Variants in HCN1 observed in about 807,000 individuals in gnomAD.
The protein encoded by HCN1 is hyperpolarization activated cyclic nucleotide gated potassium channel 1.
In HCN1, 13 loss-of-function variants were observed where a neutral mutation model predicts 78.9. The ratio of observed to expected loss-of-function variants is 0.16; its 90% CI spans 0.11 to 0.26. HCN1 has a LOEUF of 0.26. Among genes scored for constraint, HCN1 ranks in the 10% least tolerant of loss-of-function variants. The pLI is 1.00. For missense variants in HCN1, 810 were observed against 1,154.3 expected, an observed-to-expected ratio of 0.70 and a Z score of 4.32; for synonymous variants, 552 against 455.5, an observed-to-expected ratio of 1.21 and a Z score of -2.70.
intron 2 of HCN1, among the ~76,000 whole-genome samples, chr5:45,537,724 T>G (rs1742999227): frequency 6.6e-6 from 1 of 151,518 alleles, no homozygotes. Context: ...CTAGGTCTTT[T>G]ATTCACTCTG....
chr5:45,357,214 A>C (rs977257442), intron 4 of HCN1, among the ~76,000 whole-genome samples: 1 of 152,020 alleles, frequency 6.6e-6, no homozygotes, highest in African/African-American at 2.4e-5. Context: ...CGACTAAGAA[A>C]GATTGTATGT....
intron 5 of HCN1, among the ~76,000 whole-genome samples, chr5:45,344,413 C>G (rs1238939764): frequency 6.6e-6 from 1 of 152,120 alleles, no homozygotes; most frequent in African/African-American, 2.4e-5. Context: ...AACAGTCCCC[C>G]AAAGTCTTAA....
At position 45,651,920 on chromosome 5, in the gene HCN1, C is replaced by A. The variant is rs932174917; in HGVS notation, c.426-6312G>T. Among the ~76,000 whole-genome samples the A allele has an allele frequency of 3.8e-4, 58 of 151,888 alleles. 1 individual carries two copies. The South Asian group carries it at 0.012, about 31-fold the overall frequency. Reference sequence around the variant, plus strand: ...ATGCTAACTTTCTTAAAATAGTAAACCCTTGCAAAATGATCCTATCTGAGG... The same window carrying A: ...ATGCTAACTTTCTTAAAATAGTAAAACCTTGCAAAATGATCCTATCTGAGG... On this transcript the variant is annotated intron_variant, in intron 1 of 7. Coordinates refer to ENST00000303230, the MANE Select transcript of HCN1 (RefSeq NM_021072.4).
intron 6 of HCN1, among the ~76,000 whole-genome samples, chr5:45,298,411 T>C (rs1341101592): frequency 6.6e-6 from 1 of 151,876 alleles, no homozygotes; most frequent in Non-Finnish European, 1.5e-5. Flanking sequence ...AAATGAATAA[T>C]TTTAGACTGA....
intron 3 of HCN1, among the ~76,000 whole-genome samples, chr5:45,420,561 C>T (rs753925375): frequency 5.9e-5 from 9 of 152,128 alleles, no homozygotes; most frequent in South Asian, 4.2e-4. Context: ...CAGGCTGGTG[C>T]GACAACATGT....
chr5:45,622,476 A>C (rs1182698755), intron 2 of HCN1, among the ~76,000 whole-genome samples: 1 of 152,126 alleles, frequency 6.6e-6, no homozygotes, highest in Admixed American at 6.5e-5. Context: ...ACATTTTCCT[A>C]ATTTTAAAAA....
chr5:45,683,494 T>C (rs996618084), intron 1 of HCN1, among the ~76,000 whole-genome samples: 3 of 152,170 alleles, frequency 2.0e-5, no homozygotes, highest in Non-Finnish European at 4.4e-5. Context: ...GTTAGAATTG[T>C]GTGCCTTATT....
At position 45,548,474 on chromosome 5, in the gene HCN1, A is replaced by C. The variant is rs116086494; in HGVS notation, c.850-86467T>G. Among the ~76,000 whole-genome samples, 446 of 152,184 alleles carry C rather than the reference A, an allele frequency of 2.9e-3. 5 individuals are homozygous for C. The highest frequency in any genetic ancestry group is 0.01 in the African/African-American group (418 of 41,560). ...TCATGCTAAAAACTCTCAATAAATT[A>C]GGTACTCACGGGACATATCTCGAAA... On this transcript the variant is annotated intron_variant, in intron 2 of 7. Transcript: ENST00000303230.
intron 2 of HCN1, among the ~76,000 whole-genome samples, chr5:45,471,118 G>A (rs1741382135): frequency 6.6e-6 from 1 of 151,770 alleles, no homozygotes. Flanking sequence ...ATTCCTTCAA[G>A]CATTTATCAA....
chr5:45,653,288 A>T (rs1426483625), intron 1 of HCN1, among the ~76,000 whole-genome samples: 1 of 152,082 alleles, frequency 6.6e-6, no homozygotes, highest in Admixed American at 6.6e-5. Context: ...TCTCTATCCC[A>T]GTTGGAGTTG....
chr5:45,356,327 C>T (rs569381017), intron 4 of HCN1, among the ~76,000 whole-genome samples: 1 of 151,732 alleles, frequency 6.6e-6, no homozygotes, highest in Non-Finnish European at 1.5e-5. Context: ...AAATAATTAT[C>T]ACTTAAAATT....
At chr5:45,345,010 G>T (rs1251734766) in intron 5 of HCN1, among the ~76,000 whole-genome samples, 1 of 152,126 alleles carries the variant, frequency 6.6e-6, no homozygotes, top group East Asian at 1.9e-4. Flanking sequence ...GCAAACTTCT[G>T]CCTGGACATC....
chr5:45,436,380 T>G (rs1406710685), intron 3 of HCN1, among the ~76,000 whole-genome samples: 2 of 152,220 alleles, frequency 1.3e-5, no homozygotes, highest in Non-Finnish European at 2.9e-5. Context: ...GGGGAGGTTC[T>G]GCATTGTACC....
rs1744587491 is a variant in HCN1 at position 45,255,424 on chromosome 5, T to G, written c.*6497A>C. On this transcript the variant is annotated 3_prime_UTR_variant, in exon 8 of 8. Transcript: ENST00000303230. ...TACACATATGAATCATCTGGGGATC[T>G]TGCCCAAAAGCGGACTTCTGTAGGT... 1 of 152,210 alleles carries G rather than the reference T, an allele frequency of 6.6e-6. No individual in the cohort carries two copies. Among genetic ancestry groups the G allele is most frequent in the Admixed American group, 6.5e-5 (1 of 15,282 alleles). The allele number at this position is 152,210 out of a possible 1,614,324, so 9.4% of individuals were successfully genotyped here. A position where few individuals can be genotyped will look rare whatever the true frequency, so the allele number is the denominator to read the frequency against.
At chr5:45,596,970 A>G (rs1744513743) in intron 2 of HCN1, among the ~76,000 whole-genome samples, 2 of 152,080 alleles carry the variant, frequency 1.3e-5, no homozygotes, top group South Asian at 4.1e-4. Flanking sequence ...TTACCTTAAA[A>G]GATAACGTTA....
intron 1 of HCN1, among the ~76,000 whole-genome samples, chr5:45,694,887 G>C (rs542735674): frequency 6.6e-6 from 1 of 152,176 alleles, no homozygotes; most frequent in South Asian, 2.1e-4. Context: ...TCCCGAGCTG[G>C]AGGACGTGAA....
chr5:45,319,229 G>T lies in HCN1; in HGVS notation c.1378-15390C>A, dbSNP rs192327652. On this transcript the variant is annotated intron_variant, in intron 5 of 7. Transcript: ENST00000303230. The stretch of plus-strand genomic sequence containing the variant: ...GTGTACACCATATATTGGAATTTCT[G>T]GGTAATAGAATAAGCACATACTTCA... 1.5e-3 allele frequency among the ~76,000 whole-genome samples: 233 copies of T among 151,936 alleles called. 2 individuals are homozygous for T. The highest frequency in any genetic ancestry group is 5.3e-3 in the African/African-American group (219 of 41,476).
chr5:45,271,804 C>A (rs1266318935), intron 6 of HCN1, among the ~76,000 whole-genome samples: 1 of 152,042 alleles, frequency 6.6e-6, no homozygotes, highest in African/African-American at 2.4e-5. Flanking sequence ...CCCTACGGAG[C>A]AACTAAGGGC....
rs1561079301 is a variant in HCN1 at position 45,262,519 on chromosome 5, G to C, written c.2075C>G (p.Ala692Gly). The stretch of plus-strand genomic sequence containing the variant: ...GGTGTAGGAGCAGGGTGACAGGATG[G>C]CTGATGGCTGGGGGGTCTGTGTGCT... Reference protein sequence around the residue: ...SPSTQTPQPSAILSPCSYTTA... With the variant: ...SPSTQTPQPSGILSPCSYTTA... Residue 692 changes from alanine to glycine, a missense_variant, in exon 8 of 8, where the codon GCC becomes GGC. Physicochemically the swap from Ala to Gly is moderately conservative, Grantham distance 60. Around this residue, in one of 6 missense-constraint regions of HCN1, gnomAD observed 398 missense variants for 381.3 expected, o/e 1.04. Transcript: ENST00000303230. 4 of 1,613,818 alleles carry C rather than the reference G, an allele frequency of 2.5e-6. No homozygotes were observed. Among genetic ancestry groups the C allele is most frequent in the South Asian group, 2.2e-5 (2 of 91,052 alleles).
Sources: gnomAD v4.1 joint callset for allele counts (sites outside exome capture counted in the v4.1 genomes callset) on GRCh38, gnomAD v4.1.1 for gene constraint, gnomAD v4.1.1 regional missense constraint, MANE v1.5 for transcripts, NCBI Gene and HGNC (gene_info 2026-07-23, HGNC 2026-07-21) for gene names.